WDFY4: variants seen among roughly 807,000 people sequenced by gnomAD.
WDFY4 encodes WD repeat- and FYVE domain-containing protein 4.
Under a neutral mutation model 351.9 loss-of-function variants are expected in WDFY4, and 169 were observed. The ratio of observed to expected loss-of-function variants is 0.48; its 90% CI spans 0.42 to 0.55. The LOEUF is 0.55. Among genes scored for constraint, WDFY4 ranks in the 20% least tolerant of loss-of-function variants. The pLI, the probability that WDFY4 is intolerant of heterozygous loss-of-function variation, is 0.00. For missense variants in WDFY4, 3,803 were observed against 3,935.6 expected (o/e 0.97, Z 0.90); for synonymous variants, 1,622 against 1,574.6 (o/e 1.03, Z -0.71).
At chr10:48,975,228 C>A in intron 58 of WDFY4, 187 bp downstream of exon 58, 1 of 748,108 alleles carries the variant, frequency 1.3e-6, no homozygotes, top group Non-Finnish European at 2.2e-6. Flanking sequence ...ATGTCCGCTT[C>A]TTTACTTTCC....
intron 11 of WDFY4, among the ~76,000 whole-genome samples, chr10:48,742,534 A>C (rs992673106): frequency 1.3e-5 from 2 of 152,220 alleles, no homozygotes; most frequent in Non-Finnish European, 2.9e-5. Flanking sequence ...TGTGTTCCAC[A>C]GTAGTAAGGA....
At chr10:48,737,249 G>A (rs933745088) in intron 11 of WDFY4, among the ~76,000 whole-genome samples, 2 of 151,910 alleles carry the variant, frequency 1.3e-5, no homozygotes, top group Admixed American at 6.6e-5. Context: ...ACCTCAAGCA[G>A]TTCTCCCACC....
chr10:48,925,212 C>T (rs1245191236), intron 47 of WDFY4, among the ~76,000 whole-genome samples: 3 of 152,224 alleles, frequency 2.0e-5, no homozygotes, highest in African/African-American at 7.2e-5. Flanking sequence ...GGCCAGCTCA[C>T]CTAACTGTGA....
At chr10:48,694,264 G>C (rs1041668695) in intron 1 of WDFY4, among the ~76,000 whole-genome samples, 36 of 152,124 alleles carry the variant, frequency 2.4e-4, no homozygotes, top group African/African-American at 8.0e-4. Context: ...TCCTAATAGA[G>C]TCCCTGGCTA....
intron 44 of WDFY4, among the ~76,000 whole-genome samples, chr10:48,896,930 G>T (rs1160802841): frequency 6.6e-6 from 1 of 152,118 alleles, no homozygotes; most frequent in East Asian, 1.9e-4. Flanking sequence ...TGGCACGGCA[G>T]GTATCCTGGG....
rs981720236 is a variant in WDFY4 at position 48,964,100 on chromosome 10, T to C, written c.8436+46T>C. On this transcript the variant is annotated intron_variant, in intron 54 of 61. Transcript: ENST00000325239. The stretch of plus-strand genomic sequence containing the variant: ...TGCCTTGCTTTCTCAAAAGAGTGTG[T>C]GCAGTGTGAGGACATTCTCTCCTGG... The C allele has an allele frequency of 5.9e-6, 9 of 1,538,064 alleles. No individual in the cohort carries two copies. The Admixed American group carries it at 5.9e-5, about 10-fold the overall frequency.
In WDFY4 at chr10:48,828,844, C is replaced by T. The variant is rs2068088438; in HGVS notation, c.6288C>T (p.Ser2096=). Residue 2096 remains serine (S), a synonymous_variant, in exon 37 of 62, where the codon TCC becomes TCT. Transcript: ENST00000325239. ...CTACTTATCATCAAGTCTTCCTTTC[C>T]CCAAATGAAGACGTGAAAGAAAAAA... ...RMSTYHQVFL[S]PNEDVKEKRE... 1 of 1,535,582 alleles carries T rather than the reference C, an allele frequency of 6.5e-7. No individual in the cohort carries two copies. The highest frequency in any genetic ancestry group is 2.5e-5 in the East Asian group (1 of 39,962).
At chr10:48,823,176 T>C (rs1204713398) in intron 35 of WDFY4, 4 of 1,303,576 alleles carry the variant, frequency 3.1e-6, no homozygotes. Flanking sequence ...CCTTTTTTTT[T>C]TTTAGATCTC....
chr10:48,873,724 G>A, intron 41 of WDFY4, 27 bp downstream of exon 41: 6 of 1,549,806 alleles, frequency 3.9e-6, no homozygotes, highest in Admixed American at 2.0e-5. Flanking sequence ...GTGGGACAGT[G>A]CTGGTTCCAG....
At chr10:48,976,666 T>C in intron 58 of WDFY4, 131 bp from the exon 59 acceptor site, 1 of 783,440 alleles carries the variant, frequency 1.3e-6, no homozygotes, top group South Asian at 5.7e-5. Context: ...AAAGAAGTTT[T>C]GGGGTACCTT....
intron 47 of WDFY4, among the ~76,000 whole-genome samples, chr10:48,902,542 TCTCA>T (rs1837410681): frequency 6.6e-6 from 1 of 151,988 alleles, no homozygotes; most frequent in African/African-American, 2.4e-5. Context: ...ATAAAATGGG[TCTCA>T]CTAATTCCTT....
At chr10:48,795,806 A>C (rs895358111) in intron 23 of WDFY4, among the ~76,000 whole-genome samples, 5 of 152,086 alleles carry the variant, frequency 3.3e-5, no homozygotes, top group Admixed American at 2.6e-4. Context: ...CCATCTTCTT[A>C]GTCTGAGACA....
At chr10:48,718,041 C>T (rs951193605) in intron 2 of WDFY4, among the ~76,000 whole-genome samples, 3 of 152,200 alleles carry the variant, frequency 2.0e-5, no homozygotes, top group Non-Finnish European at 4.4e-5. Flanking sequence ...TGATTCCCCC[C>T]ATTCTCCTAC....
intron 27 of WDFY4, 23 bp from the exon 28 acceptor site, chr10:48,807,836 C>T (rs1404462521): frequency 1.2e-5 from 18 of 1,550,006 alleles, no homozygotes; most frequent in Non-Finnish European, 1.5e-5. Flanking sequence ...CATTTTCTCT[C>T]AAATCTGAAT....
chr10:48,701,903 A>G (rs1476885113), intron 1 of WDFY4, among the ~76,000 whole-genome samples: 1 of 152,238 alleles, frequency 6.6e-6, no homozygotes, highest in Non-Finnish European at 1.5e-5. Flanking sequence ...CTTTGATTAA[A>G]TAGAGATTTC....
chr10:48,823,076 A>G lies in WDFY4; in HGVS notation c.5982+539A>G, dbSNP rs565473824. On this transcript the variant is annotated intron_variant, in intron 35 of 61. Coordinates refer to ENST00000325239, the MANE Select transcript of WDFY4 (RefSeq NM_001394531.1). ...CCTACCTGTACAAATGCATACCTGT[A>G]GGGCCATCATTGAATGTAGGTGTAT... The G allele has an allele frequency of 3.4e-5, 42 of 1,221,648 alleles. No homozygotes were observed. The African/African-American group carries it at 6.1e-4, about 18-fold the overall frequency. 75.7% of individuals were successfully genotyped at this position (1,221,648 alleles called of 1,614,324 possible).
At chr10:48,854,506 C>T (rs2069069314) in intron 39 of WDFY4, among the ~76,000 whole-genome samples, 1 of 152,122 alleles carries the variant, frequency 6.6e-6, no homozygotes, top group South Asian at 2.1e-4. Context: ...AAAATATTTT[C>T]ATTCTACTGT....
Position 48,778,759 on chromosome 10 carries a change from C to T in WDFY4, c.3324C>T (p.Cys1108=). 1 of 1,551,662 alleles carries T rather than the reference C, an allele frequency of 6.4e-7. No homozygotes were observed. ...HLARTEQPFV[C]FSVSLCPDDL... ...CCAGGACTGAGCAACCCTTTGTTTG[C>T]TTCTCCGTCAGCCTCTGCCCAGACG... The change falls in exon 18 of 62, where the codon TGC becomes TGT. Residue 1108 remains cysteine, a synonymous_variant. Transcript: ENST00000325239.
chr10:48,779,787 A>G (rs562180341), intron 18 of WDFY4, among the ~76,000 whole-genome samples, 154 bp from the exon 19 acceptor site: 2 of 152,308 alleles, frequency 1.3e-5, no homozygotes, highest in South Asian at 4.1e-4. Context: ...GACTGCTGCT[A>G]TTGCTGCTGC....
Sources: allele counts gnomAD v4.1 joint callset (sites outside exome capture counted in the v4.1 genomes callset), GRCh38; gene constraint gnomAD v4.1.1; transcripts MANE v1.5; gene names NCBI Gene and HGNC (gene_info 2026-07-23, HGNC 2026-07-21).